SGCZ: variants seen among roughly 807,000 people sequenced by gnomAD.
SGCZ encodes sarcoglycan zeta.
In SGCZ, 40 loss-of-function variants were observed where a neutral mutation model predicts 41.3. The observed-to-expected ratio is 0.97, with a 90% CI of 0.75 to 1.26. SGCZ has a LOEUF of 1.26. Ranked by LOEUF, SGCZ falls within the 50% of genes most tolerant of loss-of-function variation. The probability of loss-of-function intolerance (pLI) is 0.00; values close to 1 mark genes in which losing one functional copy is unlikely to be tolerated. For missense variants in SGCZ, 552 were observed against 369.8 expected (o/e 1.49, Z -4.04); for synonymous variants, 206 against 137.5 (o/e 1.50, Z -3.49).
At chr8:14,748,326 T>G (rs992442472) in intron 1 of SGCZ, among the ~76,000 whole-genome samples, 2 of 152,320 alleles carry the variant, frequency 1.3e-5, no homozygotes, top group African/African-American at 4.8e-5. Context: ...TTAACTATTA[T>G]ACTATCTCAA....
At chr8:14,286,879 C>A (rs930813272) in intron 3 of SGCZ, among the ~76,000 whole-genome samples, 16 of 151,990 alleles carry the variant, frequency 1.1e-4, no homozygotes, top group African/African-American at 2.9e-4. Flanking sequence ...GGTATTATCA[C>A]AATGAGAAAG....
intron 1 of SGCZ, among the ~76,000 whole-genome samples, chr8:14,787,002 A>C (rs1585259734): frequency 6.6e-6 from 1 of 152,168 alleles, no homozygotes; most frequent in East Asian, 1.9e-4. Context: ...CTCTTCCTAA[A>C]CTCTTTCCTA....
rs1264236198 is a variant in SGCZ at position 14,875,487 on chromosome 8, C to G, written c.40-320561G>C. ...GCTTTGGATAAGGAAGGGACAAGGT[C>G]TGAAAGCAGCGTCAGGGAGCAGATA... On this transcript the variant is annotated intron_variant, in intron 1 of 7. Transcript: ENST00000382080. Among the ~76,000 whole-genome samples, 3 of 152,228 alleles carry G rather than the reference C, an allele frequency of 2.0e-5. No individual in the cohort carries two copies. In the East Asian group the frequency reaches 5.8e-4, roughly 30 times the overall value.
chr8:14,970,968 C>T (rs1285640080), intron 1 of SGCZ, among the ~76,000 whole-genome samples: 3 of 152,168 alleles, frequency 2.0e-5, no homozygotes, highest in Non-Finnish European at 4.4e-5. Context: ...TTCATTCCCC[C>T]TAACATTTTA....
rs77360282 is a variant in SGCZ at position 14,969,135 on chromosome 8, C to G, written c.39+268450G>C. 5.3e-4 allele frequency among the ~76,000 whole-genome samples: 80 copies of G among 152,172 alleles called. 1 individual carries two copies. In the East Asian group the frequency reaches 0.014, roughly 27 times the overall value. ...TCTCATATCCACTAAAATGAGATTG[C>G]CTGTCCTCTTTCAAATAAAAACAGC... On this transcript the variant is annotated intron_variant, in intron 1 of 7. Coordinates refer to ENST00000382080, the MANE Select transcript of SGCZ (RefSeq NM_139167.4).
intron 4 of SGCZ, among the ~76,000 whole-genome samples, chr8:14,214,350 G>GAT (rs1361947711): frequency 6.6e-6 from 1 of 152,118 alleles, no homozygotes; most frequent in African/African-American, 2.4e-5. Flanking sequence ...AATGTAGTGT[G>GAT]ATATCTTCCA....
At chr8:14,851,688 C>G (rs1194377513) in intron 1 of SGCZ, among the ~76,000 whole-genome samples, 1 of 151,954 alleles carries the variant, frequency 6.6e-6, no homozygotes, top group African/African-American at 2.4e-5. Flanking sequence ...TAGAGGTAAT[C>G]CATTTATAGA....
At chr8:15,120,621 T>C (rs1369505341) in intron 1 of SGCZ, among the ~76,000 whole-genome samples, 2 of 152,230 alleles carry the variant, frequency 1.3e-5, no homozygotes, top group Admixed American at 1.3e-4. Context: ...TGTTTTGTGA[T>C]GTAATAGATA....
At chr8:14,832,330 T>C (rs1162666190) in intron 1 of SGCZ, among the ~76,000 whole-genome samples, 1 of 152,200 alleles carries the variant, frequency 6.6e-6, no homozygotes, top group Non-Finnish European at 1.5e-5. Context: ...CTTAATATTC[T>C]ATGCTAAAAA....
chr8:14,661,157 G>A (rs7008625), intron 1 of SGCZ, among the ~76,000 whole-genome samples: 3,090 of 152,124 alleles, frequency 0.02, 100 homozygotes, highest in African/African-American at 0.071. Flanking sequence ...TAGAAGGTGC[G>A]TTTTATCATT....
intron 2 of SGCZ, among the ~76,000 whole-genome samples, chr8:14,395,424 G>C (rs538499776): frequency 1.7e-4 from 26 of 152,230 alleles, no homozygotes; most frequent in African/African-American, 5.8e-4. Flanking sequence ...TTTAAAAAGA[G>C]ACTATTGCAA....
chr8:14,456,809 C>T (rs544683374), intron 2 of SGCZ, among the ~76,000 whole-genome samples: 1 of 152,200 alleles, frequency 6.6e-6, no homozygotes, highest in African/African-American at 2.4e-5. Flanking sequence ...GGAGGTGGAT[C>T]CCTCGTGGCA....
At chr8:14,993,846 C>T (rs1802112261) in intron 1 of SGCZ, among the ~76,000 whole-genome samples, 1 of 152,134 alleles carries the variant, frequency 6.6e-6, no homozygotes, top group Admixed American at 6.5e-5. Flanking sequence ...GCTTTTTCTC[C>T]ACATGAGTTA....
At chr8:14,110,316 A>G (rs1051108325) in intron 5 of SGCZ, among the ~76,000 whole-genome samples, 1 of 152,174 alleles carries the variant, frequency 6.6e-6, no homozygotes, top group Non-Finnish European at 1.5e-5. Flanking sequence ...ATGATTATGA[A>G]AATTTCCCAG....
chr8:14,406,757 C>G lies in SGCZ; in HGVS notation c.235-82553G>C, dbSNP rs977262941. Among the ~76,000 whole-genome samples, 7 of 152,130 alleles carry G rather than the reference C, an allele frequency of 4.6e-5. 1 individual carries two copies. The highest frequency in any genetic ancestry group is 4.6e-4 in the Admixed American group (7 of 15,250). On this transcript the variant is annotated intron_variant, in intron 2 of 7. Transcript: ENST00000382080. ...CAAACAGGAAGTTACCACTCTCATTCCAGAAATTTTTGCATACGCCACCCT... is the reference window on the plus strand; with the variant it reads ...CAAACAGGAAGTTACCACTCTCATTGCAGAAATTTTTGCATACGCCACCCT...
At chr8:14,833,706 AGGAAGAAG>A (rs1171082039) in intron 1 of SGCZ, among the ~76,000 whole-genome samples, 1 of 152,188 alleles carries the variant, frequency 6.6e-6, no homozygotes, top group African/African-American at 2.4e-5. Flanking sequence ...TTTCTGCTAT[AGGAAGAAG>A]CAGCATAGTT....
intron 1 of SGCZ, among the ~76,000 whole-genome samples, chr8:14,659,246 AT>A (rs1807671624): frequency 6.6e-6 from 1 of 152,240 alleles, no homozygotes; most frequent in South Asian, 2.1e-4. Flanking sequence ...TTTGAGTGTC[AT>A]CACCGCCAGA....
intron 1 of SGCZ, among the ~76,000 whole-genome samples, chr8:14,692,715 T>G (rs17120076): frequency 0.036 from 5,554 of 152,180 alleles, 133 homozygotes; most frequent in South Asian, 0.1. Flanking sequence ...CCACCTAAAT[T>G]ATTGGAATCC....
intron 1 of SGCZ, among the ~76,000 whole-genome samples, chr8:14,993,300 G>T (rs1054084474): frequency 2.0e-5 from 3 of 151,854 alleles, no homozygotes; most frequent in African/African-American, 7.3e-5. Flanking sequence ...CTCCTTATCT[G>T]CTCATATATT....
Sources: allele counts gnomAD v4.1 joint callset (sites outside exome capture counted in the v4.1 genomes callset), GRCh38; gene constraint gnomAD v4.1.1; transcripts MANE v1.5; gene names NCBI Gene and HGNC (gene_info 2026-07-23, HGNC 2026-07-21).